The following OPRM1 variants were observed in gnomAD, a reference collection of about 807,000 sequenced individuals.
OPRM1 encodes the protein mu-type opioid receptor.
Under a neutral mutation model 31.8 loss-of-function variants are expected in OPRM1, and 27 were observed. The ratio of observed to expected loss-of-function variants is 0.85; its 90% CI spans 0.63 to 1.17. OPRM1 has a LOEUF of 1.17. Ranked by LOEUF, OPRM1 falls within the 50% of genes most tolerant of loss-of-function variation. The pLI is 0.00. For synonymous variants in OPRM1, 196 were observed against 189.9 expected, an observed-to-expected ratio of 1.03 and a Z score of -0.26; for missense variants, 536 against 511.1, an observed-to-expected ratio of 1.05 and a Z score of -0.47.
intron 1 of OPRM1, among the ~76,000 whole-genome samples, chr6:154,081,523 G>GAAAGA (rs145992989): frequency 0.14 from 21,241 of 151,654 alleles, 1,551 homozygotes; most frequent in Non-Finnish European, 0.17. Flanking sequence ...ATAAATAAAT[G>GAAAGA]AAAGAAAAGA....
rs1196823055 is a variant in OPRM1, at chr6:154,111,351, T to C, written c.1165-7332T>C. Among the ~76,000 whole-genome samples, 4 of 152,346 alleles carry C rather than the reference T, an allele frequency of 2.6e-5. No homozygotes were observed. In the East Asian group the frequency reaches 7.7e-4, roughly 29 times the overall value. ...AGCCTATTTCTGGCTCAAACTCTGA[T>C]TGGCTTCAAAAGTACCCAAGCCTGT... On this transcript the variant is annotated intron_variant, in intron 3 of 3. Coordinates refer to ENST00000330432, the MANE Select transcript of OPRM1 (RefSeq NM_000914.5).
At chr6:154,098,027 C>A (rs577089504) in intron 3 of OPRM1, among the ~76,000 whole-genome samples, 1 of 151,984 alleles carries the variant, frequency 6.6e-6, no homozygotes, top group African/African-American at 2.4e-5. Flanking sequence ...GCCAGGTGTT[C>A]GAGACCAACC....
chr6:154,089,283 C>CA (rs113749875), intron 1 of OPRM1, among the ~76,000 whole-genome samples: 116 of 145,246 alleles, frequency 8.0e-4, no homozygotes, highest in South Asian at 2.4e-3. Flanking sequence ...TGACACATTA[C>CA]AAAAAAAAAA....
chr6:154,153,700 A>G (rs1458501880), intron 3 of OPRM1, among the ~76,000 whole-genome samples: 1 of 151,512 alleles, frequency 6.6e-6, no homozygotes, highest in Admixed American at 6.6e-5. Context: ...AAAAAAAAAA[A>G]AGCCCCAGGA....
At chr6:154,095,670 G>C (rs956624962) in intron 3 of OPRM1, among the ~76,000 whole-genome samples, 1 of 152,174 alleles carries the variant, frequency 6.6e-6, no homozygotes, top group African/African-American at 2.4e-5. Flanking sequence ...TTCCCTAGCT[G>C]AGTATGAAAA....
At chr6:154,080,538 T>C (rs1788853845) in intron 1 of OPRM1, among the ~76,000 whole-genome samples, 1 of 152,234 alleles carries the variant, frequency 6.6e-6, no homozygotes, top group Admixed American at 6.5e-5. Flanking sequence ...ATTTCTGACG[T>C]AGCCTGCAAA....
At chr6:154,098,086 A>G (rs1793718068) in intron 3 of OPRM1, among the ~76,000 whole-genome samples, 1 of 152,034 alleles carries the variant, frequency 6.6e-6, no homozygotes, top group Non-Finnish European at 1.5e-5. Flanking sequence ...AAAATTTTAA[A>G]AATTAGAAAA....
chr6:154,183,981 A>G (rs1402343782), intron 3 of OPRM1, among the ~76,000 whole-genome samples: 3 of 152,176 alleles, frequency 2.0e-5, no homozygotes, highest in African/African-American at 7.2e-5. Context: ...AGAACATTTA[A>G]GCAAATTTCA....
At chr6:154,053,768 T>C (rs1397257685) in intron 1 of OPRM1, among the ~76,000 whole-genome samples, 1 of 152,212 alleles carries the variant, frequency 6.6e-6, no homozygotes, top group East Asian at 1.9e-4. Flanking sequence ...TTCTTTAGAT[T>C]AGCCAGATGA....
chr6:154,207,923 A>T (rs931880588), intron 3 of OPRM1, among the ~76,000 whole-genome samples: 2 of 152,208 alleles, frequency 1.3e-5, no homozygotes, highest in Non-Finnish European at 2.9e-5. Context: ...TCTACCTTCC[A>T]AACGGATTCA....
At chr6:154,172,258 A>C (rs1382387939) in intron 3 of OPRM1, among the ~76,000 whole-genome samples, 1 of 152,334 alleles carries the variant, frequency 6.6e-6, no homozygotes, top group East Asian at 1.9e-4. Context: ...TTCCCAACTG[A>C]AGTACCTGGT....
chr6:154,242,836 C>T (rs1393517410), intron 3 of OPRM1, among the ~76,000 whole-genome samples: 2 of 151,830 alleles, frequency 1.3e-5, no homozygotes, highest in African/African-American at 2.4e-5. Context: ...TGCAGTGAGC[C>T]GAGATAACAC....
chr6:154,107,121 T>C (rs931451678), intron 3 of OPRM1, among the ~76,000 whole-genome samples: 1 of 152,118 alleles, frequency 6.6e-6, no homozygotes, highest in African/African-American at 2.4e-5. Context: ...ACTTGTAAGA[T>C]TTTCATTTGC....
chr6:154,035,696 T>A (rs1210004316), upstream of OPRM1, among the ~76,000 whole-genome samples: 1 of 152,136 alleles, frequency 6.6e-6, no homozygotes, highest in Non-Finnish European at 1.5e-5. Context: ...CAATAGATGT[T>A]GAAATTCAAA....
intron 3 of OPRM1, among the ~76,000 whole-genome samples, chr6:154,201,615 C>T (rs1777073138): frequency 6.6e-6 from 1 of 152,208 alleles, no homozygotes; most frequent in Non-Finnish European, 1.5e-5. Flanking sequence ...CTAAGGAAGG[C>T]CAGGCGCGGT....
At chr6:154,117,858 G>GGTGTGTGT (rs60794328) in intron 3 of OPRM1, among the ~76,000 whole-genome samples, 29,852 of 145,340 alleles carry the variant, frequency 0.21, 3,577 homozygotes, top group East Asian at 0.33. Context: ...TTAAAAAGAT[G>GGTGTGTGT]GTGTGTGTGT....
intron 3 of OPRM1, among the ~76,000 whole-genome samples, chr6:154,145,168 G>C (rs578093666): frequency 6.6e-5 from 10 of 152,244 alleles, no homozygotes; most frequent in Non-Finnish European, 1.5e-4. Context: ...GGAAATAAAA[G>C]TCATACAGTT....
intron 3 of OPRM1, among the ~76,000 whole-genome samples, chr6:154,149,350 G>C (rs1446452445): frequency 6.6e-6 from 1 of 152,054 alleles, no homozygotes. Flanking sequence ...CAGCATGGGG[G>C]TAACTGTCCC....
intron 1 of OPRM1, among the ~76,000 whole-genome samples, chr6:154,044,625 ACCT>A (rs1780742753): frequency 6.6e-6 from 1 of 151,990 alleles, no homozygotes; most frequent in Admixed American, 6.6e-5. Flanking sequence ...TCAGAAAAAA[ACCT>A]CAGCTACTGC....
Sources: allele counts gnomAD v4.1 joint callset (sites outside exome capture counted in the v4.1 genomes callset), GRCh38; gene constraint gnomAD v4.1.1; transcripts MANE v1.5; gene names NCBI Gene and HGNC (gene_info 2026-07-23, HGNC 2026-07-21).